Variants in RAD51C observed in about 807,000 individuals in gnomAD.
RAD51C encodes the protein DNA repair protein RAD51 homolog 3.
A neutral mutation model predicts 45.0 loss-of-function variants in RAD51C; 42 were observed. That is an observed-to-expected ratio of 0.93 (90% CI 0.73 to 1.21). RAD51C has a LOEUF of 1.21. Among genes scored for constraint, RAD51C ranks in the 50% most tolerant of loss-of-function variants. The pLI is 0.00. For synonymous variants in RAD51C, 172 were observed against 159.8 expected, an observed-to-expected ratio of 1.08 and a Z score of -0.58; for missense variants, 474 against 452.2, an observed-to-expected ratio of 1.05 and a Z score of -0.44.
intron 7 of RAD51C, among the ~76,000 whole-genome samples, chr17:58,724,820 A>G (rs1419239917): frequency 6.6e-6 from 1 of 152,204 alleles, no homozygotes; most frequent in African/African-American, 2.4e-5. Context: ...GGTATAACCT[A>G]GAGGTCTTGG....
intron 5 of RAD51C, among the ~76,000 whole-genome samples, chr17:58,719,260 T>C (rs1214060806): frequency 6.6e-6 from 1 of 151,936 alleles, no homozygotes; most frequent in Admixed American, 6.6e-5. Flanking sequence ...GTCATCAGGC[T>C]GGGGTACGGT....
In RAD51C at chr17:58,735,394, A is replaced by G. The variant is rs1314715897; in HGVS notation, c.*1172A>G. ...GATTTTTTTGTAGAGACAAGGTCTC[A>G]CTATGTTGCCCAGGCTGGTCTCAAA... On this transcript the variant is annotated 3_prime_UTR_variant, in exon 9 of 9. Transcript: ENST00000337432. 6.6e-6 allele frequency: 1 copy of G among 152,092 alleles called. No homozygotes were observed. Among genetic ancestry groups the G allele is most frequent in the African/African-American group, 2.4e-5 (1 of 41,370 alleles). 9.4% of individuals were successfully genotyped at this position (152,092 alleles called of 1,614,324 possible). A position where few individuals can be genotyped will look rare whatever the true frequency, so the allele number is the denominator to read the frequency against.
At chr17:58,701,045 G>A (rs1036488654) in intron 3 of RAD51C, among the ~76,000 whole-genome samples, 1 of 152,094 alleles carries the variant, frequency 6.6e-6, no homozygotes, top group Non-Finnish European at 1.5e-5. Flanking sequence ...CTACAGGTGG[G>A]CACTACCATG....
intron 6 of RAD51C, among the ~76,000 whole-genome samples, chr17:58,723,606 CATT>C (rs967433247): frequency 4.6e-5 from 7 of 151,692 alleles, no homozygotes; most frequent in Non-Finnish European, 8.8e-5. Context: ...AACTTTTGCT[CATT>C]ATTATTTTTT....
At chr17:58,692,587 C>T (rs575897767), upstream of RAD51C, 16 of 1,600,066 alleles carry the variant, frequency 1.0e-5, no homozygotes, top group Admixed American at 1.8e-5. Flanking sequence ...TCACGCCGCA[C>T]GCCCCAGCGA....
Position 58,713,547 on chromosome 17 carries a change from A to C in RAD51C, c.837+3557A>C, listed in dbSNP as rs1490979983. On this transcript the variant is annotated intron_variant, in intron 5 of 8. Coordinates refer to ENST00000337432, the MANE Select transcript of RAD51C (RefSeq NM_058216.3). ...GTAGAGGCTGGGCACGGTGGCTCACACCTATAACCCACCACTGTGGGAGGC... is the reference window on the plus strand; with the variant it reads ...GTAGAGGCTGGGCACGGTGGCTCACCCCTATAACCCACCACTGTGGGAGGC... Among the ~76,000 whole-genome samples the C allele has an allele frequency of 4.6e-5, 7 of 151,994 alleles. No homozygotes were observed. The South Asian group carries it at 1.5e-3, about 32-fold the overall frequency.
chr17:58,720,438 A>G (rs2048878585), intron 5 of RAD51C, among the ~76,000 whole-genome samples: 1 of 151,864 alleles, frequency 6.6e-6, no homozygotes, highest in African/African-American at 2.4e-5. Context: ...AAAATAAAAA[A>G]TAAAATCACA....
At chr17:58,713,365 G>A (rs1422547616) in intron 5 of RAD51C, among the ~76,000 whole-genome samples, 4 of 151,992 alleles carry the variant, frequency 2.6e-5, no homozygotes, top group Non-Finnish European at 5.9e-5. Flanking sequence ...TTATGAGACA[G>A]GGTCTCGCTC....
intron 3 of RAD51C, among the ~76,000 whole-genome samples, chr17:58,700,505 C>G (rs1176932708): frequency 1.3e-5 from 2 of 151,598 alleles, no homozygotes; most frequent in East Asian, 3.9e-4. Flanking sequence ...TGCAGTGGCG[C>G]GATCTGGGCT....
chr17:58,712,820 A>G (rs998885977), intron 5 of RAD51C, among the ~76,000 whole-genome samples: 11 of 146,174 alleles, frequency 7.5e-5, no homozygotes, highest in Admixed American at 2.7e-4. Flanking sequence ...CTCCGTCTCA[A>G]AAAAAAAAGA....
intron 4 of RAD51C, among the ~76,000 whole-genome samples, chr17:58,704,876 A>G (rs529328483): frequency 1.3e-5 from 2 of 151,900 alleles, no homozygotes; most frequent in South Asian, 2.1e-4. Flanking sequence ...GGAAAATGCC[A>G]TCTCTTTGTT....
At chr17:58,723,566 A>G (rs1381803143) in intron 6 of RAD51C, among the ~76,000 whole-genome samples, 1 of 152,040 alleles carries the variant, frequency 6.6e-6, no homozygotes. Flanking sequence ...TAGCCTTTAT[A>G]TAAATAGAAT....
At chr17:58,716,371 T>A (rs537621686) in intron 5 of RAD51C, among the ~76,000 whole-genome samples, 24 of 152,268 alleles carry the variant, frequency 1.6e-4, no homozygotes, top group African/African-American at 4.8e-4. Context: ...AAGATGAAAA[T>A]GTACAGTCTA....
At chr17:58,699,290 G>A (rs991818311) in intron 3 of RAD51C, among the ~76,000 whole-genome samples, 13 of 152,152 alleles carry the variant, frequency 8.5e-5, no homozygotes, top group Non-Finnish European at 1.9e-4. Context: ...ACAGGCATGA[G>A]CTACAGCGCC....
At chr17:58,704,863 C>T (rs2048325362) in intron 4 of RAD51C, among the ~76,000 whole-genome samples, 1 of 152,072 alleles carries the variant, frequency 6.6e-6, no homozygotes, top group Non-Finnish European at 1.5e-5. Flanking sequence ...CAAGATTCTG[C>T]ATGGAAAATG....
intron 7 of RAD51C, 43 bp from the exon 8 acceptor site, chr17:58,732,441 A>C: frequency 6.5e-7 from 1 of 1,533,162 alleles, no homozygotes; most frequent in Non-Finnish European, 9.0e-7. Context: ...TTAATTAATT[A>C]AGTTCATGTG....
At chr17:58,700,476 T>G (rs978178826) in intron 3 of RAD51C, among the ~76,000 whole-genome samples, 1 of 152,160 alleles carries the variant, frequency 6.6e-6, no homozygotes, top group Non-Finnish European at 1.5e-5. Context: ...GGGGTCTCAG[T>G]CCATCATCCA....
At chr17:58,706,481 C>T (rs2048383281) in intron 4 of RAD51C, 3 of 406,048 alleles carry the variant, frequency 7.4e-6, no homozygotes, top group Middle Eastern at 3.7e-4. Context: ...TGATGCTCTG[C>T]CTTCCAGGCC....
At chr17:58,703,842 C>G (rs1187305324) in intron 4 of RAD51C, among the ~76,000 whole-genome samples, 1 of 149,862 alleles carries the variant, frequency 6.7e-6, no homozygotes, top group Non-Finnish European at 1.5e-5. Flanking sequence ...TCTCAGCTAC[C>G]AAGGGCTGGG....
Sources: gnomAD v4.1 joint callset for allele counts (sites outside exome capture counted in the v4.1 genomes callset) on GRCh38, gnomAD v4.1.1 for gene constraint, MANE v1.5 for transcripts, NCBI Gene and HGNC (gene_info 2026-07-23, HGNC 2026-07-21) for gene names.